PAIP2B: variants seen among roughly 807,000 people sequenced by gnomAD.
PAIP2B encodes the protein poly(A) binding protein interacting protein 2B.
Under a neutral mutation model 17.0 loss-of-function variants are expected in PAIP2B, and 13 were observed. The observed-to-expected ratio is 0.76, with a 90% CI of 0.50 to 1.22. The LOEUF is 1.22. Ranked by LOEUF, PAIP2B falls within the 50% of genes most tolerant of loss-of-function variation. The pLI is 0.00. For synonymous variants in PAIP2B, 43 were observed against 48.7 expected, an observed-to-expected ratio of 0.88 and a Z score of 0.48; for missense variants, 117 against 144.5, an observed-to-expected ratio of 0.81 and a Z score of 0.98.
At chr2:71,211,905 T>C (rs190218478) in intron 1 of PAIP2B, among the ~76,000 whole-genome samples, 3 of 152,342 alleles carry the variant, frequency 2.0e-5, no homozygotes, top group African/African-American at 7.2e-5. Flanking sequence ...GCAAGATCTC[T>C]AGACTCAGAC....
In PAIP2B at chr2:71,183,822, T is replaced by A. The variant is rs1212447161; in HGVS notation, c.*4657A>T. On this transcript the variant is annotated 3_prime_UTR_variant, in exon 4 of 4. Coordinates refer to ENST00000244221, the MANE Select transcript of PAIP2B (RefSeq NM_020459.1). ...AGGATCTTATTGGGAGGGATAAAAA[T>A]GTTCTAAAACTGAGTAATAGTTACA... 6.6e-6 allele frequency: 1 copy of A among 152,180 alleles called. No homozygotes were observed. Among genetic ancestry groups the A allele is most frequent in the African/African-American group, 2.4e-5 (1 of 41,456 alleles). The allele number at this position is 152,180 out of a possible 1,614,324, so 9.4% of individuals were successfully genotyped here.
At chr2:71,217,245 T>C (rs893725218) in intron 1 of PAIP2B, among the ~76,000 whole-genome samples, 1 of 152,222 alleles carries the variant, frequency 6.6e-6, no homozygotes, top group Non-Finnish European at 1.5e-5. Context: ...GTGATTCTCC[T>C]GCCTCAGCCT....
intron 2 of PAIP2B, among the ~76,000 whole-genome samples, chr2:71,200,665 T>C (rs1042886365): frequency 2.0e-5 from 3 of 152,062 alleles, no homozygotes; most frequent in Non-Finnish European, 4.4e-5. Flanking sequence ...GGCAAGACAA[T>C]GGTTTGAGCC....
At chr2:71,225,884 T>C (rs1457539307) in intron 1 of PAIP2B, among the ~76,000 whole-genome samples, 1 of 152,184 alleles carries the variant, frequency 6.6e-6, no homozygotes, top group Admixed American at 6.5e-5. Context: ...TATCCCTTCA[T>C]AGGTTGGGTG....
At chr2:71,201,239 G>GA (rs1421776361) in intron 2 of PAIP2B, among the ~76,000 whole-genome samples, 3 of 152,260 alleles carry the variant, frequency 2.0e-5, no homozygotes, top group African/African-American at 7.2e-5. Flanking sequence ...CAAAGCTAGT[G>GA]AAAATTGTTT....
At chr2:71,203,953 T>A (rs563388583) in intron 1 of PAIP2B, among the ~76,000 whole-genome samples, 6 of 152,272 alleles carry the variant, frequency 3.9e-5, no homozygotes, top group Admixed American at 1.3e-4. Context: ...TTTTCTGTTA[T>A]TCATCTAAAT....
Position 71,184,846 on chromosome 2 carries a change from AT to A in PAIP2B, c.*3632del, listed in dbSNP as rs11327353. 64,807 of 151,950 alleles carry A rather than the reference AT, an allele frequency of 0.43. 14,975 individuals carry two copies. Among genetic ancestry groups the A allele is most frequent in the East Asian group, 0.89 (4,556 of 5,142 alleles). 9.4% of individuals were successfully genotyped at this position (151,950 alleles called of 1,614,324 possible). On this transcript the variant is annotated 3_prime_UTR_variant, in exon 4 of 4. Coordinates refer to ENST00000244221, the MANE Select transcript of PAIP2B (RefSeq NM_020459.1). ...GGCTAGGGACACTCAGTCCTTCCCA[AT>A]TATGTGGACGTCTCCAAATCTTGGT...
intron 1 of PAIP2B, among the ~76,000 whole-genome samples, chr2:71,226,161 T>G (rs1675719260): frequency 6.6e-6 from 1 of 152,212 alleles, no homozygotes; most frequent in South Asian, 2.1e-4. Flanking sequence ...CAAATGCCAT[T>G]TGAAGGCAAA....
intron 2 of PAIP2B, among the ~76,000 whole-genome samples, chr2:71,193,737 C>A (rs543863236): frequency 6.6e-6 from 1 of 152,156 alleles, no homozygotes; most frequent in African/African-American, 2.4e-5. Context: ...ACCTGTAGTC[C>A]CAGCTACTCT....
intron 1 of PAIP2B, among the ~76,000 whole-genome samples, chr2:71,224,762 T>C (rs1675678418): frequency 6.6e-6 from 1 of 152,236 alleles, no homozygotes; most frequent in Non-Finnish European, 1.5e-5. Flanking sequence ...TCTAGTTCTC[T>C]CTTCCATTAA....
At chr2:71,226,735 G>C (rs1278016423) in intron 1 of PAIP2B, among the ~76,000 whole-genome samples, 193 bp downstream of exon 1, 1 of 152,146 alleles carries the variant, frequency 6.6e-6, no homozygotes, top group Non-Finnish European at 1.5e-5. Flanking sequence ...TGACCCCAGC[G>C]GACGCCCCTT....
At chr2:71,193,112 T>A (rs766597191) in intron 2 of PAIP2B, among the ~76,000 whole-genome samples, 11 of 152,202 alleles carry the variant, frequency 7.2e-5, no homozygotes, top group Non-Finnish European at 1.2e-4. Flanking sequence ...TTCTTTTTTT[T>A]TACTTTTTAG....
chr2:71,199,548 T>A (rs1674922128), intron 2 of PAIP2B, among the ~76,000 whole-genome samples: 1 of 151,870 alleles, frequency 6.6e-6, no homozygotes, highest in Admixed American at 6.6e-5. Context: ...CTCCCTTTTT[T>A]TCCCCCTTAA....
In PAIP2B at chr2:71,186,123, G is replaced by A. The variant is rs749874862; in HGVS notation, c.*2356C>T. On this transcript the variant is annotated 3_prime_UTR_variant, in exon 4 of 4. Transcript: ENST00000244221. ...TGGCTTGCTGGTTCTTCTTCTGTGAGAAAAGTCACTGACAGCCAGAGGCTC... is the reference window on the plus strand; with the variant it reads ...TGGCTTGCTGGTTCTTCTTCTGTGAAAAAAGTCACTGACAGCCAGAGGCTC... The A allele has an allele frequency of 2.0e-5, 3 of 152,208 alleles. No individual in the cohort carries two copies. Among genetic ancestry groups the A allele is most frequent in the Non-Finnish European group, 2.9e-5 (2 of 68,040 alleles). The allele number at this position is 152,208 out of a possible 1,614,324, so 9.4% of individuals were successfully genotyped here. A position where few individuals can be genotyped will look rare whatever the true frequency, so the allele number is the denominator to read the frequency against.
chr2:71,182,928 A>G lies in PAIP2B; in HGVS notation c.*5551T>C, dbSNP rs1484935887. On this transcript the variant is annotated 3_prime_UTR_variant, in exon 4 of 4. Transcript: ENST00000244221. ...TGATTAGGGGAAAAAAAGCAAAAAC[A>G]GCTTTATAAACACTTGTGAAACAGG... The G allele has an allele frequency of 3.5e-5, 2 of 57,628 alleles. No individual in the cohort carries two copies. Among genetic ancestry groups the G allele is most frequent in the East Asian group, 1.2e-3 (2 of 1,698 alleles). 3.6% of individuals were successfully genotyped at this position (57,628 alleles called of 1,614,324 possible).
chr2:71,227,053 G>C lies in PAIP2B; in HGVS notation c.-137C>G, dbSNP rs1675752393. Reference sequence around the variant, plus strand: ...CTTTAGTACCAAAACGTGAAGCACAGCACCCGAGAAGCGCCACTACCACTT... The same window carrying C: ...CTTTAGTACCAAAACGTGAAGCACACCACCCGAGAAGCGCCACTACCACTT... On this transcript the variant is annotated 5_prime_UTR_variant, in exon 1 of 4. Coordinates refer to ENST00000244221, the MANE Select transcript of PAIP2B (RefSeq NM_020459.1). 1 of 153,246 alleles carries C rather than the reference G, an allele frequency of 6.5e-6. No individual in the cohort carries two copies. Among genetic ancestry groups the C allele is most frequent in the South Asian group, 2.1e-4 (1 of 4,820 alleles). 9.5% of individuals were successfully genotyped at this position (153,246 alleles called of 1,614,324 possible). A position where few individuals can be genotyped will look rare whatever the true frequency, so the allele number is the denominator to read the frequency against.
intron 1 of PAIP2B, among the ~76,000 whole-genome samples, chr2:71,206,522 G>C (rs139718068): frequency 1.0e-3 from 157 of 152,248 alleles, no homozygotes; most frequent in African/African-American, 3.6e-3. Flanking sequence ...CAAGGGTCAA[G>C]ACATATTTGT....
chr2:71,203,031 T>A (rs1675025736), intron 1 of PAIP2B, among the ~76,000 whole-genome samples: 1 of 152,166 alleles, frequency 6.6e-6, no homozygotes, highest in Non-Finnish European at 1.5e-5. Flanking sequence ...TTCTTTAAAA[T>A]GTATTTTAAA....
chr2:71,209,376 A>G (rs565968288), intron 1 of PAIP2B, among the ~76,000 whole-genome samples: 1 of 152,344 alleles, frequency 6.6e-6, no homozygotes, highest in South Asian at 2.1e-4. Context: ...TACAGGAGGG[A>G]GAAAGTATAG....
Sources: allele counts gnomAD v4.1 joint callset (sites outside exome capture counted in the v4.1 genomes callset), GRCh38; gene constraint gnomAD v4.1.1; transcripts MANE v1.5; gene names NCBI Gene and HGNC (gene_info 2026-07-23, HGNC 2026-07-21).